ZNF449: variants seen among roughly 807,000 people sequenced by gnomAD.
ZNF449 encodes zinc finger protein 449.
ZNF449 carries 4 observed loss-of-function variants against 32.6 expected under a neutral mutation model. The ratio of observed to expected loss-of-function variants is 0.12; its 90% CI spans 0.06 to 0.28. The LOEUF is 0.28. Among genes scored for constraint, ZNF449 ranks in the 10% least tolerant of loss-of-function variants. ZNF449 has a pLI of 1.00. For missense variants in ZNF449, 275 were observed against 383.2 expected (o/e 0.72, Z 2.36); for synonymous variants, 123 against 132.2 (o/e 0.93, Z 0.48).
At chrX:135,351,259 C>G (rs6635039) in intron 3 of ZNF449, among the ~76,000 whole-genome samples, 1 of 111,615 alleles carries the variant, frequency 9.0e-6, no homozygotes, top group Non-Finnish European at 1.9e-5. Flanking sequence ...AGATGTTGTT[C>G]TAGAGCAAGG....
chrX:135,360,368 T>G lies in ZNF449; in HGVS notation c.849T>G (p.Asp283Glu). 1 of 1,210,683 alleles carries G rather than the reference T, an allele frequency of 8.3e-7. No homozygotes were observed. ...WETPPEDLQT[D>E]LAKLVDQQNP... ...CCCCCCCAGAGGATTTACAGACAGA[T>G]TTAGCAAAACTGGTAGATCAGCAGA... is the stretch of plus-strand genomic sequence containing the variant. Residue 283 changes from aspartate (D) to glutamate (E), a missense_variant, in exon 5 of 5, where the codon GAT (aspartate) becomes GAG (glutamate). Physicochemically the swap from Asp to Glu is conservative, Grantham distance 45. Transcript: ENST00000339249.
intron 2 of ZNF449, chrX:135,348,748 G>A (rs782354801): frequency 2.0e-6 from 2 of 993,753 alleles, no homozygotes; most frequent in Non-Finnish European, 1.3e-6. Flanking sequence ...TCTTCATGTG[G>A]TCTAGACATT....
intron 2 of ZNF449, chrX:135,347,798 C>G (rs1213899487): frequency 2.4e-5 from 13 of 543,075 alleles, no homozygotes; most frequent in Non-Finnish European, 3.8e-5. Flanking sequence ...TAGCCATACC[C>G]TGTTTATCTG....
intron 3 of ZNF449, among the ~76,000 whole-genome samples, chrX:135,355,064 T>G (rs782753670): frequency 9.1e-6 from 1 of 110,491 alleles, no homozygotes; most frequent in South Asian, 3.8e-4. Flanking sequence ...GCCTCCAGGC[T>G]TCTACCACCC....
rs1361826239 is a variant in ZNF449, at chrX:135,347,028, G to C, written c.-91G>C. 1.2e-5 allele frequency: 11 copies of C among 927,192 alleles called. No individual in the cohort carries two copies. The highest frequency in any genetic ancestry group is 1.6e-5 in the Non-Finnish European group (11 of 672,821). 76.4% of individuals were successfully genotyped at this position (927,192 alleles called of 1,213,427 possible). On this transcript the variant is annotated 5_prime_UTR_variant, in exon 2 of 5. Transcript: ENST00000339249. Reference sequence around the variant, plus strand: ...TTTTTTCTGTCCTTAGCTGTAGGTGGCTCCCTCCCACCCCAACGATTTCAG... The same window carrying C: ...TTTTTTCTGTCCTTAGCTGTAGGTGCCTCCCTCCCACCCCAACGATTTCAG...
At chrX:135,354,735 C>T (rs113985502) in intron 3 of ZNF449, among the ~76,000 whole-genome samples, 2,467 of 111,019 alleles carry the variant, frequency 0.022, 83 homozygotes, top group African/African-American at 0.076. Flanking sequence ...TAATTTGGTG[C>T]TGTACATAAG....
chrX:135,350,045 C>T (rs1037450529), intron 3 of ZNF449, among the ~76,000 whole-genome samples: 1 of 104,879 alleles, frequency 9.5e-6, no homozygotes. Flanking sequence ...CCTGCTCTGT[C>T]GCCCAGGCTG....
At chrX:135,355,696 T>C in intron 3 of ZNF449, among the ~76,000 whole-genome samples, 1 of 111,900 alleles carries the variant, frequency 8.9e-6, no homozygotes, top group Non-Finnish European at 1.9e-5. Context: ...CTTTTTAAAA[T>C]AGCGTTATTG....
rs375822943 is a variant in ZNF449 at position 135,349,264 on chromosome X, C to T, written c.509C>T (p.Pro170Leu). Residue 170 changes from proline (P) to leucine (L), a missense_variant, in exon 3 of 5, where the codon CCG becomes CTG. Physicochemically the swap from Pro to Leu is moderately conservative, Grantham distance 98. Around this residue, in one of 3 missense-constraint regions of ZNF449, gnomAD observed 165 missense variants for 175.0 expected, o/e 0.94. Coordinates refer to ENST00000339249, the MANE Select transcript of ZNF449 (RefSeq NM_152695.6). ...AEAWIPQAGP[P>L]ELNYGATGEC... The stretch of plus-strand genomic sequence containing the variant: ...GCATGGATCCCACAGGCAGGGCCAC[C>T]GGAGCTGAACTATGGTGCTACTGGA... 46 of 1,209,963 alleles carry T rather than the reference C, an allele frequency of 3.8e-5. No individual in the cohort carries two copies. The highest frequency in any genetic ancestry group is 4.9e-5 in the Non-Finnish European group (44 of 895,267).
chrX:135,355,051 T>C (rs1005046122), intron 3 of ZNF449, among the ~76,000 whole-genome samples: 12 of 110,425 alleles, frequency 1.1e-4, no homozygotes, highest in Admixed American at 4.8e-4. Flanking sequence ...TGAGATCTCC[T>C]GGGCCTCCAG....
chrX:135,346,041 T>C (rs1019214818), intron 1 of ZNF449, among the ~76,000 whole-genome samples: 1 of 112,236 alleles, frequency 8.9e-6, no homozygotes, highest in Admixed American at 9.4e-5. Flanking sequence ...AGACATGTTG[T>C]TCAATCCCCC....
intron 3 of ZNF449, among the ~76,000 whole-genome samples, chrX:135,352,423 T>A (rs2084892810): frequency 8.9e-6 from 1 of 112,070 alleles, no homozygotes; most frequent in African/African-American, 3.2e-5. Context: ...AATATTAGAA[T>A]GTATGCAATC....
chrX:135,349,637 C>A (rs2084872658), intron 3 of ZNF449, among the ~76,000 whole-genome samples: 2 of 112,024 alleles, frequency 1.8e-5, no homozygotes, highest in Non-Finnish European at 1.9e-5. Flanking sequence ...ATGTGGTGGG[C>A]CCCAAGGGCC....
At position 135,346,921 on chromosome X, in the gene ZNF449, A is replaced by G. The variant is rs1161920098; in HGVS notation, c.-100-98A>G. On this transcript the variant is annotated intron_variant, in intron 1 of 4. Transcript: ENST00000339249. Reference sequence around the variant, plus strand: ...TACTTTAGGTCTTTGGTAAAAAAGAAGTTAACAGGTTCTTTGGTAAAAAAG... The same window carrying G: ...TACTTTAGGTCTTTGGTAAAAAAGAGGTTAACAGGTTCTTTGGTAAAAAAG... 3 of 353,300 alleles carry G rather than the reference A, an allele frequency of 8.5e-6. No homozygotes were observed. The Admixed American group carries it at 1.6e-4, about 18-fold the overall frequency. The allele number at this position is 353,300 out of a possible 1,213,427, so 29.1% of individuals were successfully genotyped here.
chrX:135,354,498 T>A (rs928438801), intron 3 of ZNF449, among the ~76,000 whole-genome samples: 6 of 112,188 alleles, frequency 5.3e-5, no homozygotes, highest in African/African-American at 1.9e-4. Context: ...TCCAGAAGTA[T>A]CTGAATATTA....
intron 1 of ZNF449, among the ~76,000 whole-genome samples, 157 bp from the exon 2 acceptor site, chrX:135,346,862 T>C (rs2084851539): frequency 8.9e-6 from 1 of 112,325 alleles, no homozygotes; most frequent in Non-Finnish European, 1.9e-5. Context: ...GAAGCTTTCA[T>C]CAGATTCTCA....
In ZNF449 at chrX:135,360,339, G is replaced by A. The variant is rs1556453151; in HGVS notation, c.820G>A (p.Glu274Lys). The A allele has an allele frequency of 5.8e-6, 7 of 1,209,022 alleles. No homozygotes were observed. Among genetic ancestry groups the A allele is most frequent in the Non-Finnish European group, 7.8e-6 (7 of 894,857 alleles). ...CTATGTACAGTTAGAAAATCAATGG[G>A]AAACCCCCCCAGAGGATTTACAGAC... ...KDYVQLENQW[E>K]TPPEDLQTDL... Residue 274 changes from glutamate to lysine, a missense_variant, in exon 5 of 5, where the codon GAA becomes AAA. Glu to Lys is a moderately conservative substitution (Grantham distance 56, BLOSUM62 1). This residue lies in a region of ZNF449 where 165 missense variants were observed against 175.0 expected (regional missense o/e 0.94). Transcript: ENST00000339249.
At position 135,360,276 on chromosome X, in the gene ZNF449, G is replaced by A. The variant is rs1351691164; in HGVS notation, c.757G>A (p.Glu253Lys). The change falls in exon 5 of 5, where the codon GAG becomes AAG. Residue 253 changes from glutamate to lysine, a missense_variant. Glu to Lys is a moderately conservative substitution (Grantham distance 56). Around this residue, in one of 3 missense-constraint regions of ZNF449, gnomAD observed 165 missense variants for 175.0 expected, o/e 0.94. Coordinates refer to ENST00000339249, the MANE Select transcript of ZNF449 (RefSeq NM_152695.6). Reference sequence around the variant, plus strand: ...TATGTATCCATTTATTGTAACTTTAGAGGGGAATGCTCTCCAGGGTCCCAT... The same window carrying A: ...TATGTATCCATTTATTGTAACTTTAAAGGGGAATGCTCTCCAGGGTCCCAT... ...ETMYPFIVTL[E>K]GNALQGPILQ... is the part of the protein sequence containing the mutation. The A allele has an allele frequency of 8.3e-7, 1 of 1,207,639 alleles. No individual in the cohort carries two copies. Among genetic ancestry groups the A allele is most frequent in the Non-Finnish European group, 1.1e-6 (1 of 894,444 alleles).
intron 3 of ZNF449, 105 bp from the exon 4 acceptor site, chrX:135,359,787 A>G (rs2084935573): frequency 4.2e-6 from 2 of 477,765 alleles, no homozygotes; most frequent in Non-Finnish European, 3.7e-6. Context: ...AGTAATGGAG[A>G]AGGAAGTAGA....
Sources: allele counts gnomAD v4.1 joint callset (sites outside exome capture counted in the v4.1 genomes callset), GRCh38; gene constraint gnomAD v4.1.1; regional missense constraint gnomAD v4.1.1; transcripts MANE v1.5; gene names NCBI Gene and HGNC (gene_info 2026-07-23, HGNC 2026-07-21).